TRHDE: variants seen among roughly 807,000 people sequenced by gnomAD.
TRHDE encodes the protein thyrotropin releasing hormone degrading enzyme, also known as thyrotropin-releasing hormone-degrading ectoenzyme.
A neutral mutation model predicts 125.7 loss-of-function variants in TRHDE; 72 were observed. The ratio of observed to expected loss-of-function variants is 0.57; its 90% CI spans 0.47 to 0.70. TRHDE has a LOEUF of 0.70. Among genes scored for constraint, TRHDE ranks in the 30% least tolerant of loss-of-function variants. TRHDE has a pLI of 0.00. For synonymous variants in TRHDE, 509 were observed against 509.1 expected (o/e 1.00, Z 0.00); for missense variants, 1,110 against 1,327.1 (o/e 0.84, Z 2.54).
chr12:72,113,854 A>G (rs1290109699), intron 2 of TRHDE, among the ~76,000 whole-genome samples: 5 of 152,162 alleles, frequency 3.3e-5, no homozygotes, highest in Admixed American at 3.3e-4. Flanking sequence ...AACTTTCTAT[A>G]TGACCTGGGT....
intron 4 of TRHDE, among the ~76,000 whole-genome samples, chr12:72,470,863 CTTTTTTTTTTTTTTTT>C (rs768937293): frequency 2.9e-5 from 2 of 67,930 alleles, no homozygotes; most frequent in South Asian, 5.9e-4. Flanking sequence ...TAAATGTCAG[CTTTTTTTTTTTTTTTT>C]TTTTTTTTTT....
intron 3 of TRHDE, among the ~76,000 whole-genome samples, chr12:72,439,837 A>T (rs1874917162): frequency 6.6e-6 from 1 of 151,808 alleles, no homozygotes; most frequent in African/African-American, 2.4e-5. Flanking sequence ...CTTAGAGAAA[A>T]AGCTTTCAAC....
chr12:72,364,077 C>T (rs1410272593), intron 2 of TRHDE, among the ~76,000 whole-genome samples: 3 of 152,026 alleles, frequency 2.0e-5, no homozygotes, highest in Non-Finnish European at 4.4e-5. Context: ...ACGTGAAGGA[C>T]CTCTTCAAGG....
At position 72,428,869 on chromosome 12, in the gene TRHDE, G is replaced by T. The variant is rs145443336; in HGVS notation, c.1316-40889G>T. ...AGTCATTCAATATGTGGTTTTGGTG[G>T]CTGGCTCTTTTCACTTAGCATATGT... On this transcript the variant is annotated intron_variant, in intron 3 of 18. Coordinates refer to ENST00000261180, the MANE Select transcript of TRHDE (RefSeq NM_013381.3). Among the ~76,000 whole-genome samples the T allele has an allele frequency of 4.3e-4, 66 of 152,118 alleles. 1 individual carries two copies. The East Asian group carries it at 0.011, about 25-fold the overall frequency.
chr12:72,504,167 AG>A (rs1878267567), intron 6 of TRHDE, among the ~76,000 whole-genome samples: 1 of 152,218 alleles, frequency 6.6e-6, no homozygotes, highest in African/African-American at 2.4e-5. Flanking sequence ...GAGGAAGCTC[AG>A]AAAAGAAAAC....
At position 72,094,716 on chromosome 12, in the gene TRHDE, G is replaced by T. The variant is rs954741261; in HGVS notation, n.174+7277G>T. 2.1e-4 allele frequency among the ~76,000 whole-genome samples: 32 copies of T among 152,222 alleles called. 1 individual carries two copies. Among genetic ancestry groups the T allele is most frequent in the Admixed American group, 2.1e-3 (32 of 15,288 alleles). The stretch of plus-strand genomic sequence containing the variant: ...TGGGTTCCTGGCAGATGGTTCTGGT[G>T]GCCAGATCAAGGCCAAATAAGGTTG... On this transcript the variant is annotated intron_variant and non_coding_transcript_variant, in intron 1 of 4. Coordinates refer to the TRHDE transcript ENST00000548156.
chr12:72,275,973 TC>T (rs1879473196), intron 1 of TRHDE, among the ~76,000 whole-genome samples: 1 of 152,202 alleles, frequency 6.6e-6, no homozygotes, highest in Non-Finnish European at 1.5e-5. Flanking sequence ...CATTTTTTTT[TC>T]CTTCCTCATT....
rs536266354 is a variant in TRHDE at position 72,559,507 on chromosome 12, C to T, written c.1789-2658C>T. Among the ~76,000 whole-genome samples, 5 of 152,212 alleles carry T rather than the reference C, an allele frequency of 3.3e-5. No individual in the cohort carries two copies. The East Asian group carries it at 9.7e-4, about 29-fold the overall frequency. The stretch of plus-strand genomic sequence containing the variant: ...ATATTCTTGTTAAATAGAGTTTTAA[C>T]TTTTAATCAGTCTATATTATTTGGT... On this transcript the variant is annotated intron_variant, in intron 7 of 18. Transcript: ENST00000261180.
chr12:72,274,135 A>C (rs1160695489), intron 1 of TRHDE, among the ~76,000 whole-genome samples: 1 of 152,094 alleles, frequency 6.6e-6, no homozygotes. Flanking sequence ...GAGTGAAAAG[A>C]GTGGTTTCCA....
chr12:72,477,920 T>A (rs598273), intron 5 of TRHDE, among the ~76,000 whole-genome samples: 59,608 of 151,946 alleles, frequency 0.39, 14,352 homozygotes, highest in African/African-American at 0.67. Context: ...GCTTCTATAA[T>A]GAGAATCATT....
intron 3 of TRHDE, among the ~76,000 whole-genome samples, chr12:72,417,824 T>C (rs949750616): frequency 2.0e-5 from 3 of 152,072 alleles, no homozygotes; most frequent in Non-Finnish European, 4.4e-5. Context: ...TTAAGTTTAC[T>C]GACCAGATTT....
At chr12:72,459,584 CATT>C (rs1876026664) in intron 3 of TRHDE, among the ~76,000 whole-genome samples, 1 of 152,026 alleles carries the variant, frequency 6.6e-6, no homozygotes, top group African/African-American at 2.4e-5. Flanking sequence ...AAATAAAAGA[CATT>C]ATTGTTCTAG....
intron 2 of TRHDE, chr12:72,303,220 T>G (rs940174535): frequency 2.0e-5 from 3 of 152,106 alleles, no homozygotes; most frequent in Admixed American, 2.0e-4. Context: ...ACTAGAGATG[T>G]TAGGAATTAA....
intron 2 of TRHDE, among the ~76,000 whole-genome samples, chr12:72,376,667 CT>C (rs1277889435): frequency 2.0e-5 from 3 of 152,088 alleles, no homozygotes; most frequent in Non-Finnish European, 4.4e-5. Flanking sequence ...ACTTCATACT[CT>C]TTTTAATTAC....
At chr12:72,211,929 G>T (rs1246289257) in intron 2 of TRHDE, among the ~76,000 whole-genome samples, 1 of 151,210 alleles carries the variant, frequency 6.6e-6, no homozygotes, top group East Asian at 1.9e-4. Context: ...AAACTGATCT[G>T]CAAATATGTT....
At chr12:72,118,295 C>T (rs933018098) in intron 2 of TRHDE, among the ~76,000 whole-genome samples, 1 of 152,002 alleles carries the variant, frequency 6.6e-6, no homozygotes, top group Non-Finnish European at 1.5e-5. Context: ...GATTTTTCAG[C>T]ATTATTTGAA....
intron 2 of TRHDE, among the ~76,000 whole-genome samples, chr12:72,235,888 T>C (rs969476792): frequency 7.2e-5 from 11 of 152,176 alleles, no homozygotes; most frequent in Non-Finnish European, 1.5e-5. Context: ...GTGGGAAGTA[T>C]ATTATTGCAC....
At chr12:72,422,808 G>A (rs1239468598) in intron 3 of TRHDE, among the ~76,000 whole-genome samples, 1 of 152,078 alleles carries the variant, frequency 6.6e-6, no homozygotes, top group Non-Finnish European at 1.5e-5. Context: ...CCTAATCAAA[G>A]GTGTTTAGGT....
chr12:72,359,965 T>C (rs1048166660), intron 2 of TRHDE, among the ~76,000 whole-genome samples: 2 of 151,600 alleles, frequency 1.3e-5, no homozygotes, highest in African/African-American at 4.8e-5. Flanking sequence ...GATGAGAACT[T>C]GGTATATGCG....
Sources: allele counts gnomAD v4.1 joint callset (sites outside exome capture counted in the v4.1 genomes callset), GRCh38; gene constraint gnomAD v4.1.1; transcripts MANE v1.5; gene names NCBI Gene and HGNC (gene_info 2026-07-23, HGNC 2026-07-21).